The following DSCAM variants were observed in gnomAD, a reference collection of about 807,000 sequenced individuals.
DSCAM encodes DS cell adhesion molecule, also known as cell adhesion molecule DSCAM.
DSCAM carries 47 observed loss-of-function variants against 217.7 expected under a neutral mutation model. That is an observed-to-expected ratio of 0.22 (90% confidence interval 0.17 to 0.28). The LOEUF is 0.28. Among genes scored for constraint, DSCAM ranks in the 10% least tolerant of loss-of-function variants. The pLI is 1.00. For synonymous variants in DSCAM, 1,056 were observed against 1,015.3 expected (o/e 1.04, Z -0.76); for missense variants, 2,080 against 2,618.3 (o/e 0.79, Z 4.49).
intron 20 of DSCAM, among the ~76,000 whole-genome samples, chr21:40,123,424 C>T (rs1168903183): frequency 6.6e-6 from 1 of 152,164 alleles, no homozygotes; most frequent in Non-Finnish European, 1.5e-5. Flanking sequence ...GACATGGCAC[C>T]TGCTGCAGAA....
intron 5 of DSCAM, among the ~76,000 whole-genome samples, chr21:40,352,509 G>A (rs889859956): frequency 6.6e-6 from 1 of 151,916 alleles, no homozygotes; most frequent in African/African-American, 2.4e-5. Flanking sequence ...TTAGGCTGGT[G>A]TTGCGCTAAG....
intron 30 of DSCAM, among the ~76,000 whole-genome samples, chr21:40,045,808 C>T (rs1308298859): frequency 2.6e-5 from 4 of 152,212 alleles, no homozygotes; most frequent in Non-Finnish European, 4.4e-5. Context: ...ACAGGGCCGG[C>T]CTGTAATGTT....
chr21:40,719,127 AAC>A (rs111670493), intron 1 of DSCAM, among the ~76,000 whole-genome samples: 3,362 of 151,126 alleles, frequency 0.022, 125 homozygotes, highest in African/African-American at 0.078. Context: ...AAAGAAGAAA[AAC>A]ACACACACAC....
chr21:40,309,994 C>A (rs560647373), intron 9 of DSCAM, among the ~76,000 whole-genome samples: 1 of 152,144 alleles, frequency 6.6e-6, no homozygotes, highest in African/African-American at 2.4e-5. Context: ...AATGGCTGCA[C>A]GTTCTAATTA....
Position 40,846,779 on chromosome 21 carries a change from C to CCCGCCG in DSCAM, c.-124_-119dup, listed in dbSNP as rs41386156. 0.02 allele frequency: 6,289 copies of CCCGCCG among 307,950 alleles called. 127 individuals are homozygous for CCCGCCG. The highest frequency in any genetic ancestry group is 0.029 in the Admixed American group (431 of 14,900). The allele number at this position is 307,950 out of a possible 1,614,324, so 19.1% of individuals were successfully genotyped here. ...CCCGGGGGCCGCCGCCCGCCCGCCG[C>CCCGCCG]CCGCCGCCGCCGCCGCCGCTGCCTA... On this transcript the variant is annotated 5_prime_UTR_variant, in exon 1 of 33. Coordinates refer to ENST00000400454, the MANE Select transcript of DSCAM (RefSeq NM_001389.5).
intron 3 of DSCAM, among the ~76,000 whole-genome samples, chr21:40,562,345 C>T (rs969753363): frequency 8.5e-5 from 13 of 152,210 alleles, no homozygotes; most frequent in Admixed American, 2.0e-4. Flanking sequence ...GTAAGATGTG[C>T]CTGCCTCCCC....
intron 3 of DSCAM, among the ~76,000 whole-genome samples, chr21:40,687,449 G>A (rs1459608000): frequency 6.6e-6 from 1 of 152,152 alleles, no homozygotes; most frequent in Non-Finnish European, 1.5e-5. Context: ...AATCACAATA[G>A]AAGTGCCACA....
intron 3 of DSCAM, among the ~76,000 whole-genome samples, chr21:40,685,271 G>T (rs1201334251): frequency 6.6e-6 from 1 of 152,212 alleles, no homozygotes; most frequent in Non-Finnish European, 1.5e-5. Context: ...TCAGTCTTAT[G>T]AAGGGCTGCT....
intron 5 of DSCAM, 88 bp downstream of exon 5, chr21:40,353,377 G>A (rs1360901412): frequency 1.3e-5 from 20 of 1,539,946 alleles, no homozygotes; most frequent in South Asian, 5.1e-5. Context: ...TTAATGGAAA[G>A]CTACAGAGAA....
chr21:40,348,263 C>A (rs980002372), intron 5 of DSCAM, among the ~76,000 whole-genome samples: 4 of 145,030 alleles, frequency 2.8e-5, no homozygotes, highest in Non-Finnish European at 4.7e-5. Context: ...CGGTTCCTAT[C>A]AGCCACATTA....
At chr21:40,842,689 C>T (rs1484454809) in intron 1 of DSCAM, among the ~76,000 whole-genome samples, 1 of 152,184 alleles carries the variant, frequency 6.6e-6, no homozygotes, top group Non-Finnish European at 1.5e-5. Flanking sequence ...ACCTTGCCAG[C>T]TACCCGGAGG....
chr21:40,808,476 T>TC (rs780771266), intron 1 of DSCAM, among the ~76,000 whole-genome samples: 4 of 91,124 alleles, frequency 4.4e-5, no homozygotes, highest in Non-Finnish European at 6.1e-5. Context: ...CAACCATCAT[T>TC]TTTTTTTTTT....
At position 40,033,183 on chromosome 21, in the gene DSCAM, G is replaced by A. The variant is rs374891757; in HGVS notation, c.5686+9188C>T. ...CTGGGGGGGAGGAGCCAAGATGGCC[G>A]AATAGGAACAGCTCCCGTCTACAGC... On this transcript the variant is annotated intron_variant, in intron 32 of 32. Coordinates refer to ENST00000400454, the MANE Select transcript of DSCAM (RefSeq NM_001389.5). Among the ~76,000 whole-genome samples, 12 of 152,254 alleles carry A rather than the reference G, an allele frequency of 7.9e-5. No homozygotes were observed. In the South Asian group the frequency reaches 1.0e-3, roughly 13 times the overall value.
chr21:40,509,117 G>C (rs1019759940), intron 3 of DSCAM, among the ~76,000 whole-genome samples: 1 of 151,930 alleles, frequency 6.6e-6, no homozygotes, highest in Non-Finnish European at 1.5e-5. Flanking sequence ...TGTGCAGTTG[G>C]TTTTTTTCTC....
At chr21:40,764,685 G>A (rs775603550) in intron 1 of DSCAM, among the ~76,000 whole-genome samples, 27 of 152,114 alleles carry the variant, frequency 1.8e-4, no homozygotes, top group Admixed American at 6.5e-4. Flanking sequence ...CAATAGCAAA[G>A]ACTTGGAACC....
chr21:40,071,993 C>G (rs2146538049), intron 27 of DSCAM, among the ~76,000 whole-genome samples: 1 of 152,302 alleles, frequency 6.6e-6, no homozygotes, highest in Middle Eastern at 3.4e-3. Context: ...TCCCCTTTAC[C>G]ACCCTCACCT....
At chr21:40,162,012 T>C (rs982268542) in intron 16 of DSCAM, among the ~76,000 whole-genome samples, 1 of 152,210 alleles carries the variant, frequency 6.6e-6, no homozygotes. Context: ...CTTTAATTTT[T>C]ATGGGGTTGG....
chr21:40,535,357 G>T (rs8132648), intron 3 of DSCAM, among the ~76,000 whole-genome samples: 2,423 of 152,270 alleles, frequency 0.016, 53 homozygotes, highest in Admixed American at 0.037. Context: ...TGCAAACAGA[G>T]TTAGGGTGTG....
At chr21:40,805,260 A>G (rs1555890534) in intron 1 of DSCAM, among the ~76,000 whole-genome samples, 1 of 152,026 alleles carries the variant, frequency 6.6e-6, no homozygotes, top group Non-Finnish European at 1.5e-5. Context: ...CAACTTTCCT[A>G]GCTCTCTCTT....
Sources: gnomAD v4.1 joint callset for allele counts (sites outside exome capture counted in the v4.1 genomes callset) on GRCh38, gnomAD v4.1.1 for gene constraint, MANE v1.5 for transcripts, NCBI Gene and HGNC (gene_info 2026-07-23, HGNC 2026-07-21) for gene names.